ZMIZ1: variants seen among roughly 807,000 people sequenced by gnomAD.
The protein encoded by ZMIZ1 is zinc finger MIZ domain-containing protein 1.
Under a neutral mutation model 113.9 loss-of-function variants are expected in ZMIZ1, and 17 were observed. The ratio of observed to expected loss-of-function variants is 0.15; its 90% CI spans 0.10 to 0.22. The LOEUF (loss-of-function observed/expected upper bound fraction) is 0.22. ZMIZ1 is among the 10% of genes least tolerant of loss of function. ZMIZ1 has a pLI of 1.00. For synonymous variants in ZMIZ1, 607 were observed against 603.1 expected (o/e 1.01, Z -0.09); for missense variants, 1,059 against 1,477.8 (o/e 0.72, Z 4.65).
chr10:79,134,305 G>A (rs1040778053), intron 2 of ZMIZ1, among the ~76,000 whole-genome samples: 2 of 152,208 alleles, frequency 1.3e-5, no homozygotes, highest in African/African-American at 4.8e-5. Flanking sequence ...GGCCCAGAGA[G>A]GCCTAGCACT....
At chr10:79,298,269 G>T in intron 14 of ZMIZ1, 137 bp from the exon 15 acceptor site, 1 of 977,882 alleles carries the variant, frequency 1.0e-6, no homozygotes, top group South Asian at 1.6e-5. Flanking sequence ...CGAGAGAGAA[G>T]AGTTTCCCTG....
At chr10:79,236,505 G>A (rs1849595900) in intron 7 of ZMIZ1, among the ~76,000 whole-genome samples, 7 of 152,180 alleles carry the variant, frequency 4.6e-5, no homozygotes, top group Admixed American at 3.3e-4. Flanking sequence ...TCGAGCTGCC[G>A]TTGCCGTCTC....
intron 3 of ZMIZ1, among the ~76,000 whole-genome samples, chr10:79,155,151 T>G (rs138320743): frequency 1.3e-5 from 2 of 152,276 alleles, no homozygotes; most frequent in Non-Finnish European, 2.9e-5. Context: ...GAGGCCACCA[T>G]TCTATGCTGT....
In ZMIZ1 at chr10:79,208,110, G is replaced by C. The variant is rs11002866; in HGVS notation, c.61-226G>C. ...GGTGGGGGTGGAGTGGAGGTGGATC[G>C]GGGAGGTGGGGTGGAGGTGGGGGTG... On this transcript the variant is annotated intron_variant, in intron 5 of 24. Coordinates refer to ENST00000334512, the MANE Select transcript of ZMIZ1 (RefSeq NM_020338.4). Among the ~76,000 whole-genome samples, 1,317 of 142,536 alleles carry C rather than the reference G, an allele frequency of 9.2e-3. 26 individuals carry two copies. Among genetic ancestry groups the C allele is most frequent in the African/African-American group, 0.034 (1,265 of 37,610 alleles). 93.5% of individuals were successfully genotyped at this position (142,536 alleles called of 152,430 possible).
At chr10:79,081,673 C>T (rs568342749) in intron 1 of ZMIZ1, among the ~76,000 whole-genome samples, 2 of 152,268 alleles carry the variant, frequency 1.3e-5, no homozygotes, top group South Asian at 2.1e-4. Context: ...TGGCCCTGCC[C>T]CCTGCCACTT....
intron 10 of ZMIZ1, among the ~76,000 whole-genome samples, chr10:79,291,631 A>G (rs1223882849): frequency 2.0e-5 from 3 of 152,166 alleles, no homozygotes; most frequent in East Asian, 3.9e-4. Flanking sequence ...CTTGGCTGGG[A>G]AGAAAAGGGC....
intron 4 of ZMIZ1, among the ~76,000 whole-genome samples, chr10:79,181,878 C>T (rs1468938515): frequency 2.0e-5 from 3 of 152,164 alleles, no homozygotes; most frequent in Non-Finnish European, 4.4e-5. Context: ...CCACAGCCAC[C>T]GCCCGGCTCC....
At position 79,315,863 on chromosome 10, in the gene ZMIZ1, A is replaced by C. The variant is rs1402004298; in HGVS notation, c.*3114A>C. ...ATTTTGCGAAACAAAACAAAACAAAAAAAAAAGCTTGGAACTCCATCACGT... is the reference window on the plus strand; with the variant it reads ...ATTTTGCGAAACAAAACAAAACAAACAAAAAAGCTTGGAACTCCATCACGT... On this transcript the variant is annotated 3_prime_UTR_variant, in exon 25 of 25. Transcript: ENST00000334512. 8.5e-5 allele frequency: 13 copies of C among 152,782 alleles called. No homozygotes were observed. The highest frequency in any genetic ancestry group is 8.5e-4 in the Admixed American group (13 of 15,290). 9.5% of individuals were successfully genotyped at this position (152,782 alleles called of 1,614,324 possible).
At chr10:79,078,715 T>C (rs1036253591) in intron 1 of ZMIZ1, among the ~76,000 whole-genome samples, 1 of 120,980 alleles carries the variant, frequency 8.3e-6, no homozygotes, top group Non-Finnish European at 1.8e-5. Context: ...CAGCTAATTT[T>C]TGTATTTTTT....
At chr10:79,232,143 C>T (rs1749845) in intron 7 of ZMIZ1, among the ~76,000 whole-genome samples, 54,818 of 152,030 alleles carry the variant, frequency 0.36, 10,122 homozygotes, top group Non-Finnish European at 0.4. Flanking sequence ...CATCAGGAAA[C>T]GGGGCTAACT....
chr10:79,260,283 A>C (rs1307518934), intron 7 of ZMIZ1, among the ~76,000 whole-genome samples: 1 of 152,250 alleles, frequency 6.6e-6, no homozygotes, highest in Non-Finnish European at 1.5e-5. Flanking sequence ...CTTTTGTTCC[A>C]GCATGGAGGG....
At chr10:79,295,775 G>C (rs1328940324) in intron 12 of ZMIZ1, 1 of 152,298 alleles carries the variant, frequency 6.6e-6, no homozygotes, top group African/African-American at 2.4e-5. Flanking sequence ...CTCAGATGGG[G>C]AAGAAGAAAC....
At position 79,274,375 on chromosome 10, in the gene ZMIZ1, G is replaced by A. The variant is rs543016756; in HGVS notation, c.281-2806G>A. ...CAGACAGACTTCCCAGTCCAGATGT[G>A]TGAGTGACTGGCCAGGCGCACCCAG... is the stretch of plus-strand genomic sequence containing the variant. On this transcript the variant is annotated intron_variant, in intron 7 of 24. Coordinates refer to ENST00000334512, the MANE Select transcript of ZMIZ1 (RefSeq NM_020338.4). 3.3e-5 allele frequency among the ~76,000 whole-genome samples: 5 copies of A among 152,314 alleles called. No individual in the cohort carries two copies. The South Asian group carries it at 1.0e-3, about 32-fold the overall frequency.
rs1032937907 is a variant in ZMIZ1 at position 79,316,164 on chromosome 10, C to T, written c.*3415C>T. 6.6e-6 allele frequency: 1 copy of T among 152,668 alleles called. No individual in the cohort carries two copies. The highest frequency in any genetic ancestry group is 1.5e-5 in the Non-Finnish European group (1 of 68,036). 9.5% of individuals were successfully genotyped at this position (152,668 alleles called of 1,614,324 possible). ...ATATCATGATCACAGGTGATTCACA[C>T]GTACACACATAAACACACCCACCAG... On this transcript the variant is annotated 3_prime_UTR_variant, in exon 25 of 25. Coordinates refer to ENST00000334512, the MANE Select transcript of ZMIZ1 (RefSeq NM_020338.4).
chr10:79,154,146 G>T (rs1040685716), intron 3 of ZMIZ1, among the ~76,000 whole-genome samples: 1 of 152,176 alleles, frequency 6.6e-6, no homozygotes, highest in Admixed American at 6.5e-5. Flanking sequence ...TGACTTTCTT[G>T]TGGGCCAATA....
chr10:79,305,987 G>T (rs781741505), intron 21 of ZMIZ1, 113 bp from the exon 22 acceptor site: 1 of 1,484,990 alleles, frequency 6.7e-7, no homozygotes, highest in African/African-American at 1.4e-5. Flanking sequence ...TGTGGTGAGA[G>T]TGGGAGCAGG....
At chr10:79,103,409 C>T (rs577720798) in intron 1 of ZMIZ1, among the ~76,000 whole-genome samples, 14 of 152,048 alleles carry the variant, frequency 9.2e-5, no homozygotes, top group South Asian at 8.3e-4. Flanking sequence ...AAGGAGCTGG[C>T]GAGGAGTGGG....
chr10:79,311,254 G>T, intron 24 of ZMIZ1, 70 bp downstream of exon 24: 1 of 1,530,998 alleles, frequency 6.5e-7, no homozygotes, highest in Non-Finnish European at 8.8e-7. Flanking sequence ...GAGAGAAGGG[G>T]TGGGTGTGAG....
chr10:79,219,052 G>A (rs758799405), intron 7 of ZMIZ1, among the ~76,000 whole-genome samples: 6 of 152,114 alleles, frequency 3.9e-5, no homozygotes, highest in Non-Finnish European at 7.4e-5. Flanking sequence ...GTGGGGGGAC[G>A]TGGAGGCCTG....
Sources: allele counts gnomAD v4.1 joint callset (sites outside exome capture counted in the v4.1 genomes callset), GRCh38; gene constraint gnomAD v4.1.1; transcripts MANE v1.5; gene names NCBI Gene and HGNC (gene_info 2026-07-23, HGNC 2026-07-21).